CFAP299: variants seen among roughly 807,000 people sequenced by gnomAD.
The protein encoded by CFAP299 is cilia and flagella associated protein 299, also known as cilia- and flagella-associated protein 299.
A neutral mutation model predicts 27.0 loss-of-function variants in CFAP299; 21 were observed. The observed-to-expected ratio is 0.78, with a 90% CI of 0.55 to 1.12. The LOEUF is 1.12. Among genes scored for constraint, CFAP299 ranks in the 50% most tolerant of loss-of-function variants. CFAP299 has a pLI of 0.00. For missense variants in CFAP299, 310 were observed against 276.6 expected, an observed-to-expected ratio of 1.12 and a Z score of -0.86; for synonymous variants, 104 against 98.1, an observed-to-expected ratio of 1.06 and a Z score of -0.36.
intron 2 of CFAP299, among the ~76,000 whole-genome samples, chr4:80,548,891 T>C (rs6845783): frequency 0.12 from 18,712 of 151,992 alleles, 1,584 homozygotes; most frequent in African/African-American, 0.23. Flanking sequence ...TATGAGGACA[T>C]GACATTAAAA....
At chr4:80,633,982 C>CT (rs1225649545) in intron 3 of CFAP299, among the ~76,000 whole-genome samples, 12,189 of 115,132 alleles carry the variant, frequency 0.11, 865 homozygotes, top group East Asian at 0.24. Flanking sequence ...GAGGAGAAAA[C>CT]TTTTTTTTTT....
intron 2 of CFAP299, among the ~76,000 whole-genome samples, chr4:80,437,071 G>A (rs11099233): frequency 0.19 from 28,943 of 152,030 alleles, 2,936 homozygotes; most frequent in South Asian, 0.29. Context: ...CCAGGGTATC[G>A]ATATTGCTTG....
At chr4:80,746,530 A>C (rs974399540) in intron 3 of CFAP299, among the ~76,000 whole-genome samples, 1 of 152,044 alleles carries the variant, frequency 6.6e-6, no homozygotes, top group Non-Finnish European at 1.5e-5. Flanking sequence ...TAAACAATCT[A>C]TTCTGGTTTT....
intron 3 of CFAP299, among the ~76,000 whole-genome samples, chr4:80,684,279 G>C (rs942031450): frequency 4.0e-5 from 6 of 151,428 alleles, no homozygotes; most frequent in East Asian, 3.9e-4. Flanking sequence ...TTTTTTGGGG[G>C]GGGGGGACGG....
chr4:80,573,286 A>G (rs1037881612), intron 2 of CFAP299, among the ~76,000 whole-genome samples: 1 of 152,016 alleles, frequency 6.6e-6, no homozygotes, highest in Non-Finnish European at 1.5e-5. Flanking sequence ...AGACATGTCT[A>G]TTCAAATCTT....
intron 3 of CFAP299, among the ~76,000 whole-genome samples, chr4:80,855,540 A>G (rs1029602175): frequency 2.0e-5 from 3 of 152,132 alleles, no homozygotes; most frequent in African/African-American, 4.8e-5. Flanking sequence ...ATATCTCACA[A>G]TGCTATCCCT....
chr4:80,758,994 T>C (rs185465452), intron 3 of CFAP299, among the ~76,000 whole-genome samples: 1 of 152,256 alleles, frequency 6.6e-6, no homozygotes, highest in East Asian at 1.9e-4. Context: ...GGAAAAGAAA[T>C]AGTGAAGTTC....
chr4:80,803,350 GTA>G (rs146158735), intron 3 of CFAP299, among the ~76,000 whole-genome samples: 1 of 152,124 alleles, frequency 6.6e-6, no homozygotes, highest in Non-Finnish European at 1.5e-5. Flanking sequence ...CTATTGAAAT[GTA>G]TTTTGAAACA....
chr4:80,419,520 G>A (rs1362870463), intron 2 of CFAP299, among the ~76,000 whole-genome samples: 1 of 152,180 alleles, frequency 6.6e-6, no homozygotes, highest in African/African-American at 2.4e-5. Context: ...TAACTCCTGA[G>A]ATCTTATCAG....
chr4:80,477,819 A>G (rs186396728), intron 2 of CFAP299, among the ~76,000 whole-genome samples: 2 of 152,286 alleles, frequency 1.3e-5, no homozygotes, highest in African/African-American at 4.8e-5. Flanking sequence ...GACATTATCA[A>G]CTTACTTGCT....
At chr4:80,519,118 T>C (rs898729974) in intron 2 of CFAP299, among the ~76,000 whole-genome samples, 1 of 152,128 alleles carries the variant, frequency 6.6e-6, no homozygotes, top group Admixed American at 6.5e-5. Flanking sequence ...CTGCCTAGCA[T>C]AGTTACTAGT....
chr4:80,849,360 A>G (rs1025776957), intron 3 of CFAP299, among the ~76,000 whole-genome samples: 2 of 152,182 alleles, frequency 1.3e-5, no homozygotes, highest in African/African-American at 4.8e-5. Flanking sequence ...TATGGGGTAC[A>G]TGGATGTATT....
At chr4:80,856,947 A>G (rs369890565) in intron 3 of CFAP299, among the ~76,000 whole-genome samples, 6 of 151,580 alleles carry the variant, frequency 4.0e-5, no homozygotes, top group African/African-American at 1.2e-4. Context: ...GAAGAAAGTC[A>G]TTGGTAGCTT....
At chr4:80,468,525 A>G (rs954152113) in intron 2 of CFAP299, among the ~76,000 whole-genome samples, 10 of 151,978 alleles carry the variant, frequency 6.6e-5, no homozygotes, top group Admixed American at 1.3e-4. Context: ...CACCTGGCCT[A>G]TAATGTTGTT....
At chr4:80,720,820 A>G (rs1722767983) in intron 3 of CFAP299, among the ~76,000 whole-genome samples, 1 of 152,182 alleles carries the variant, frequency 6.6e-6, no homozygotes, top group African/African-American at 2.4e-5. Flanking sequence ...TAAAGATGGT[A>G]GAATTAATGG....
chr4:80,703,256 G>A (rs924065108), intron 3 of CFAP299, among the ~76,000 whole-genome samples: 2 of 151,658 alleles, frequency 1.3e-5, no homozygotes, highest in East Asian at 1.9e-4. Flanking sequence ...CAGCTGAAAT[G>A]TTGGTGTCTG....
At chr4:80,491,835 G>T (rs1233285030) in intron 2 of CFAP299, among the ~76,000 whole-genome samples, 1 of 152,132 alleles carries the variant, frequency 6.6e-6, no homozygotes, top group East Asian at 1.9e-4. Flanking sequence ...GCCCTGCAAA[G>T]CTGTTCTTTC....
chr4:80,375,664 A>G (rs1724368443), intron 2 of CFAP299, among the ~76,000 whole-genome samples: 1 of 152,262 alleles, frequency 6.6e-6, no homozygotes. Flanking sequence ...GCAAGGTTGA[A>G]CAAGGGCAGC....
chr4:80,559,211 G>A (rs765306746), intron 2 of CFAP299, among the ~76,000 whole-genome samples: 3 of 151,558 alleles, frequency 2.0e-5, no homozygotes, highest in South Asian at 4.2e-4. Context: ...GCTAGTTTGG[G>A]TTTTCATATA....
Sources: gnomAD v4.1 joint callset for allele counts (sites outside exome capture counted in the v4.1 genomes callset) on GRCh38, gnomAD v4.1.1 for gene constraint, MANE v1.5 for transcripts, NCBI Gene and HGNC (gene_info 2026-07-23, HGNC 2026-07-21) for gene names.